The following ARHGAP21 variants were observed in gnomAD, a reference collection of about 807,000 sequenced individuals.
The protein encoded by ARHGAP21 is rho GTPase-activating protein 21.
In ARHGAP21, 38 loss-of-function variants were observed where a neutral mutation model predicts 164.6. The observed-to-expected ratio is 0.23, with a 90% CI of 0.18 to 0.30. The LOEUF is 0.30. Ranked by LOEUF, ARHGAP21 falls within the 10% of genes least tolerant of loss-of-function variation. The probability of loss-of-function intolerance (pLI) is 1.00; values close to 1 mark genes in which losing one functional copy is unlikely to be tolerated. For missense variants in ARHGAP21, 1,822 were observed against 2,370.7 expected (o/e 0.77, Z 4.81); for synonymous variants, 766 against 857.9 (o/e 0.89, Z 1.87).
chr10:24,686,427 C>CAAAT lies in ARHGAP21; in HGVS notation c.64-16034_64-16031dup, dbSNP rs879279972. Among the ~76,000 whole-genome samples the CAAAT allele has an allele frequency of 6.6e-4, 100 of 151,788 alleles. 1 individual carries two copies. Among genetic ancestry groups the CAAAT allele is most frequent in the Middle Eastern group, 3.4e-3 (1 of 290 alleles). ...TGGGCAACAGAGTGAGACCCTATCTCAAATAAATAAATAAATAAATAAAAA... is the reference window on the plus strand; with the variant it reads ...TGGGCAACAGAGTGAGACCCTATCTCAAATAAATAAATAAATAAATAAATAAAAA... On this transcript the variant is annotated intron_variant, in intron 2 of 25. Coordinates refer to ENST00000396432, the MANE Select transcript of ARHGAP21 (RefSeq NM_020824.4).
chr10:24,670,149 G>C, intron 3 of ARHGAP21, 69 bp downstream of exon 3: 1 of 1,127,046 alleles, frequency 8.9e-7, no homozygotes. Flanking sequence ...AAGGGTAAGA[G>C]GAAGACTAGA....
chr10:24,623,719 C>T (rs1215745657), intron 7 of ARHGAP21, among the ~76,000 whole-genome samples: 1 of 152,164 alleles, frequency 6.6e-6, no homozygotes, highest in African/African-American at 2.4e-5. Flanking sequence ...GAGGAGGTCC[C>T]TATGGTCAAT....
chr10:24,630,967 A>C (rs1835794776), intron 6 of ARHGAP21, among the ~76,000 whole-genome samples: 1 of 152,204 alleles, frequency 6.6e-6, no homozygotes, highest in African/African-American at 2.4e-5. Context: ...GACAGCTCAA[A>C]GTCTAATTTT....
chr10:24,616,070 AC>A (rs1273019754), intron 9 of ARHGAP21, among the ~76,000 whole-genome samples: 1 of 151,970 alleles, frequency 6.6e-6, no homozygotes, highest in Non-Finnish European at 1.5e-5. Flanking sequence ...AAGCCACTGC[AC>A]CCGGACTATT....
chr10:24,666,099 G>C (rs900876128), intron 4 of ARHGAP21, among the ~76,000 whole-genome samples: 20 of 152,108 alleles, frequency 1.3e-4, no homozygotes, highest in African/African-American at 4.6e-4. Context: ...GAGCGATCTC[G>C]GCTCACTGCA....
intron 2 of ARHGAP21, among the ~76,000 whole-genome samples, chr10:24,720,347 A>C (rs929138265): frequency 6.6e-6 from 1 of 152,192 alleles, no homozygotes; most frequent in African/African-American, 2.4e-5. Flanking sequence ...ATGACAAATA[A>C]GGCTTCAGGA....
intron 24 of ARHGAP21, chr10:24,590,581 C>T: frequency 1.4e-6 from 2 of 1,458,082 alleles, no homozygotes; most frequent in South Asian, 1.5e-5. Flanking sequence ...TTGTGTAAAA[C>T]AACATGCTAG....
intron 2 of ARHGAP21, 133 bp from the exon 3 acceptor site, chr10:24,670,530 A>C (rs1299484389): frequency 2.1e-5 from 10 of 480,068 alleles, no homozygotes; most frequent in Non-Finnish European, 3.4e-5. Flanking sequence ...TACACAAAGC[A>C]TGCAATTATC....
chr10:24,620,002 C>T lies in ARHGAP21; in HGVS notation c.1893G>A (p.Thr631=), dbSNP rs765652851. Reference sequence around the variant, plus strand: ...GGCTAAATGATGGTTTTGTGACATGCGTGGAAGGAGCTTTCAGAGAATTAC... The same window carrying T: ...GGCTAAATGATGGTTTTGTGACATGTGTGGAAGGAGCTTTCAGAGAATTAC... ...VRSNSLKAPS[T]HVTKPSFSQK... The change falls in exon 9 of 26, where the codon ACG becomes ACA. Residue 631 remains threonine (T), a synonymous_variant. Transcript: ENST00000396432. The T allele has an allele frequency of 8.7e-6, 14 of 1,613,762 alleles. No homozygotes were observed. Among genetic ancestry groups the T allele is most frequent in the East Asian group, 2.2e-5 (1 of 44,886 alleles).
intron 4 of ARHGAP21, among the ~76,000 whole-genome samples, chr10:24,642,020 C>G (rs1837086912): frequency 6.7e-6 from 1 of 150,058 alleles, no homozygotes; most frequent in South Asian, 2.1e-4. Flanking sequence ...AAAAGTTTTA[C>G]CGTGGAAATG....
chr10:24,678,777 C>T lies in ARHGAP21; in HGVS notation c.64-8380G>A, dbSNP rs373399245. Among the ~76,000 whole-genome samples the T allele has an allele frequency of 9.8e-5, 15 of 152,290 alleles. No individual in the cohort carries two copies. The East Asian group carries it at 2.3e-3, about 24-fold the overall frequency. ...CAAACTCCTGGGCTGATGTTATCCTCCTGCCTTAGCCTCCCAAATTAATCT... is the reference window on the plus strand; with the variant it reads ...CAAACTCCTGGGCTGATGTTATCCTTCTGCCTTAGCCTCCCAAATTAATCT... On this transcript the variant is annotated intron_variant, in intron 2 of 25. Transcript: ENST00000396432.
In ARHGAP21 at chr10:24,596,988, T is replaced by TAATA. The variant is rs1036873069; in HGVS notation, c.3335-110_3335-107dup. 2.5e-6 allele frequency: 3 copies of TAATA among 1,189,674 alleles called. No individual in the cohort carries two copies. In the Admixed American group the frequency reaches 9.9e-5, roughly 39 times the overall value. The allele number at this position is 1,189,674 out of a possible 1,614,324, so 73.7% of individuals were successfully genotyped here. A position where few individuals can be genotyped will look rare whatever the true frequency, so the allele number is the denominator to read the frequency against. ...AATGTTTACATAAATCCAAGTCCTG[T>TAATA]AATATAAATAATACATCCTATATTT... On this transcript the variant is annotated intron_variant, in intron 16 of 25. Coordinates refer to ENST00000396432, the MANE Select transcript of ARHGAP21 (RefSeq NM_020824.4).
chr10:24,695,743 A>G (rs1294452236), intron 2 of ARHGAP21, among the ~76,000 whole-genome samples: 1 of 152,106 alleles, frequency 6.6e-6, no homozygotes, highest in Non-Finnish European at 1.5e-5. Flanking sequence ...CCATATGTCA[A>G]GAAACCTCTG....
intron 4 of ARHGAP21, among the ~76,000 whole-genome samples, chr10:24,647,891 G>A (rs1593155489): frequency 6.6e-6 from 1 of 152,308 alleles, no homozygotes; most frequent in South Asian, 2.1e-4. Context: ...AGGCTGGAGT[G>A]CAGTGACACG....
intron 4 of ARHGAP21, among the ~76,000 whole-genome samples, chr10:24,656,375 G>A (rs1416284203): frequency 3.4e-4 from 33 of 97,214 alleles, no homozygotes; most frequent in South Asian, 8.2e-4. Context: ...CAGCCGCCCC[G>A]TCCGGGAGGG....
intron 25 of ARHGAP21, among the ~76,000 whole-genome samples, chr10:24,587,092 A>C (rs1187287442): frequency 6.6e-6 from 1 of 152,174 alleles, no homozygotes; most frequent in Non-Finnish European, 1.5e-5. Context: ...AATCCTTACC[A>C]CAGAAACACT....
At chr10:24,603,578 A>G (rs1329546543) in intron 12 of ARHGAP21, among the ~76,000 whole-genome samples, 1 of 152,164 alleles carries the variant, frequency 6.6e-6, no homozygotes, top group Admixed American at 6.5e-5. Flanking sequence ...ACTGTGCAGA[A>G]GGGCACCGAG....
At chr10:24,637,967 C>T (rs1410142689) in intron 4 of ARHGAP21, among the ~76,000 whole-genome samples, 2 of 151,388 alleles carry the variant, frequency 1.3e-5, no homozygotes, top group South Asian at 2.1e-4. Flanking sequence ...CAGGTTCAAG[C>T]GATTCTCCTG....
At chr10:24,700,500 A>G (rs966482102) in intron 2 of ARHGAP21, among the ~76,000 whole-genome samples, 3 of 152,232 alleles carry the variant, frequency 2.0e-5, no homozygotes, top group South Asian at 2.1e-4. Flanking sequence ...TGATTAAAAT[A>G]ATAAGAATTA....
Sources: allele counts gnomAD v4.1 joint callset (sites outside exome capture counted in the v4.1 genomes callset), GRCh38; gene constraint gnomAD v4.1.1; transcripts MANE v1.5; gene names NCBI Gene and HGNC (gene_info 2026-07-23, HGNC 2026-07-21).